Variants in TBC1D22A observed in about 807,000 individuals in gnomAD.
TBC1D22A encodes TBC1 domain family member 22A, also known as putative GTPase activator.
TBC1D22A carries 38 observed loss-of-function variants against 60.2 expected under a neutral mutation model. The ratio of observed to expected loss-of-function variants is 0.63; its 90% CI spans 0.49 to 0.83. TBC1D22A has a LOEUF of 0.83. TBC1D22A is among the 40% of genes least tolerant of loss of function. The pLI is 0.00. For synonymous variants in TBC1D22A, 302 were observed against 281.7 expected (o/e 1.07, Z -0.72); for missense variants, 628 against 701.0 (o/e 0.90, Z 1.18).
At chr22:46,876,613 T>C (rs2067579653) in intron 4 of TBC1D22A, among the ~76,000 whole-genome samples, 1 of 151,898 alleles carries the variant, frequency 6.6e-6, no homozygotes, top group South Asian at 2.1e-4. Flanking sequence ...GGAAGAGGAG[T>C]GGGTTGCCTC....
intron 11 of TBC1D22A, among the ~76,000 whole-genome samples, chr22:47,061,536 C>T (rs1474110644): frequency 5.3e-5 from 8 of 152,084 alleles, no homozygotes; most frequent in Non-Finnish European, 8.8e-5. Context: ...GGGTGGCTTC[C>T]GATCCCTCAC....
At chr22:46,847,458 T>C (rs1349384512) in intron 4 of TBC1D22A, among the ~76,000 whole-genome samples, 1 of 152,238 alleles carries the variant, frequency 6.6e-6, no homozygotes. Flanking sequence ...TCCTCACTTC[T>C]GTTTGTCAAG....
At chr22:46,942,381 G>T (rs1410574766) in intron 8 of TBC1D22A, among the ~76,000 whole-genome samples, 2 of 152,120 alleles carry the variant, frequency 1.3e-5, no homozygotes, top group Non-Finnish European at 2.9e-5. Context: ...CACCACTCCT[G>T]TTGGTTTCTT....
chr22:47,116,242 G>A (rs2066048068), intron 12 of TBC1D22A: 1 of 152,288 alleles, frequency 6.6e-6, no homozygotes, highest in African/African-American at 2.4e-5. Flanking sequence ...CCACCTGCCA[G>A]GAGCTGGGAC....
intron 8 of TBC1D22A, among the ~76,000 whole-genome samples, chr22:46,970,077 C>T (rs2073986506): frequency 6.6e-6 from 1 of 152,102 alleles, no homozygotes; most frequent in Non-Finnish European, 1.5e-5. Context: ...CCCTCGCCCT[C>T]CCCACAGCCC....
chr22:46,889,269 C>T (rs1302329667), intron 5 of TBC1D22A, among the ~76,000 whole-genome samples: 1 of 152,126 alleles, frequency 6.6e-6, no homozygotes. Flanking sequence ...AGAAGAGATG[C>T]GATGGCCCCA....
rs1439291987 is a variant in TBC1D22A at position 46,998,556 on chromosome 22, G to C, written c.1201+847G>C. 2.6e-5 allele frequency among the ~76,000 whole-genome samples: 4 copies of C among 152,276 alleles called. No individual in the cohort carries two copies. The East Asian group carries it at 7.7e-4, about 29-fold the overall frequency. On this transcript the variant is annotated intron_variant, in intron 10 of 12. Coordinates refer to ENST00000337137, the MANE Select transcript of TBC1D22A (RefSeq NM_014346.5). ...CGTGCCTTGCAGGGCCCTGCCCGCTGAGCGTTGCCGGTCACTGTGCCTTTT... is the reference window on the plus strand; with the variant it reads ...CGTGCCTTGCAGGGCCCTGCCCGCTCAGCGTTGCCGGTCACTGTGCCTTTT...
At chr22:46,925,450 A>T (rs1180199156) in intron 8 of TBC1D22A, among the ~76,000 whole-genome samples, 1 of 152,206 alleles carries the variant, frequency 6.6e-6, no homozygotes, top group Non-Finnish European at 1.5e-5. Context: ...CCCACGACTC[A>T]TATATATTCA....
chr22:47,071,520 G>A (rs1202647159), intron 11 of TBC1D22A, among the ~76,000 whole-genome samples: 2 of 152,212 alleles, frequency 1.3e-5, no homozygotes, highest in Non-Finnish European at 2.9e-5. Context: ...CCCACTCTGG[G>A]GTGGGCTCCC....
chr22:46,917,200 A>G (rs1185322952), intron 8 of TBC1D22A, among the ~76,000 whole-genome samples: 1 of 152,216 alleles, frequency 6.6e-6, no homozygotes, highest in Non-Finnish European at 1.5e-5. Context: ...GGCACGTGCT[A>G]CTTTGGACTT....
At chr22:47,089,906 G>A (rs1183785087) in intron 11 of TBC1D22A, among the ~76,000 whole-genome samples, 1 of 152,176 alleles carries the variant, frequency 6.6e-6, no homozygotes, top group East Asian at 1.9e-4. Flanking sequence ...GGTTGGTGGT[G>A]GGAGGTCCTT....
chr22:46,947,668 G>T (rs1485182254), intron 8 of TBC1D22A, among the ~76,000 whole-genome samples: 1 of 152,172 alleles, frequency 6.6e-6, no homozygotes, highest in African/African-American at 2.4e-5. Context: ...TCTGGCCCTT[G>T]CAAGTGTGAT....
chr22:47,114,818 C>T (rs952244828), intron 12 of TBC1D22A, among the ~76,000 whole-genome samples: 7 of 152,174 alleles, frequency 4.6e-5, no homozygotes, highest in African/African-American at 1.7e-4. Flanking sequence ...TGTTGTTAAA[C>T]AGCAGAGCCA....
rs916370449 is a variant in TBC1D22A at position 47,028,256 on chromosome 22, A to G, written c.1202-8815A>G. Among the ~76,000 whole-genome samples, 2 of 152,200 alleles carry G rather than the reference A, an allele frequency of 1.3e-5. No individual in the cohort carries two copies. The highest frequency in any genetic ancestry group is 4.8e-5 in the African/African-American group (2 of 41,458). ...GTCAGATAAACACCATTTCTTTACA[A>G]CCTGCCAGGAGGATTTATTTCATTC... On this transcript the variant is annotated intron_variant, in intron 10 of 12. Coordinates refer to ENST00000337137, the MANE Select transcript of TBC1D22A (RefSeq NM_014346.5). This position sits in a 1 kb window ranked among gnomAD's most constrained non-coding sequence, Gnocchi z 4.4.
intron 12 of TBC1D22A, among the ~76,000 whole-genome samples, chr22:47,172,141 G>A (rs556549328): frequency 1.4e-4 from 21 of 146,750 alleles, no homozygotes; most frequent in East Asian, 6.2e-4. Context: ...CAGTGAGTCC[G>A]GTGTGCCCGC....
chr22:46,928,158 C>G (rs6009060), intron 8 of TBC1D22A, among the ~76,000 whole-genome samples: 4 of 151,368 alleles, frequency 2.6e-5, no homozygotes, highest in Non-Finnish European at 5.9e-5. Context: ...TTAGGACTCA[C>G]GCATTCTGGT....
chr22:47,139,463 G>A (rs2066999094), intron 12 of TBC1D22A, among the ~76,000 whole-genome samples: 1 of 152,216 alleles, frequency 6.6e-6, no homozygotes. Context: ...GTCAGGGGCT[G>A]GTCGGGGCGG....
At chr22:46,784,920 A>G (rs1601849989) in intron 1 of TBC1D22A, among the ~76,000 whole-genome samples, 1 of 152,226 alleles carries the variant, frequency 6.6e-6, no homozygotes, top group African/African-American at 2.4e-5. Context: ...TTAAAACTTT[A>G]CCAGCTAGTA....
chr22:47,038,766 C>T (rs918896763), intron 11 of TBC1D22A, among the ~76,000 whole-genome samples: 1 of 152,182 alleles, frequency 6.6e-6, no homozygotes, highest in African/African-American at 2.4e-5. Context: ...AAATTATCAC[C>T]AGTCAGCAGA....
Sources: allele counts gnomAD v4.1 joint callset (sites outside exome capture counted in the v4.1 genomes callset), GRCh38; gene constraint gnomAD v4.1.1; non-coding constraint Gnocchi (gnomAD v3.1); transcripts MANE v1.5; gene names NCBI Gene and HGNC (gene_info 2026-07-23, HGNC 2026-07-21).